The following CNTN4 variants were observed in gnomAD, a reference collection of about 807,000 sequenced individuals.
CNTN4 encodes the protein contactin 4, also known as contactin-4.
In CNTN4, 77 loss-of-function variants were observed where a neutral mutation model predicts 122.5. The ratio of observed to expected loss-of-function variants is 0.63; its 90% CI spans 0.52 to 0.76. The LOEUF (loss-of-function observed/expected upper bound fraction) is 0.76, where lower values mean the gene tolerates loss of function less well. Among genes scored for constraint, CNTN4 ranks in the 30% least tolerant of loss-of-function variants. The pLI, the probability that CNTN4 is intolerant of heterozygous loss-of-function variation, is 0.00. For missense variants in CNTN4, 1,256 were observed against 1,259.1 expected (o/e 1.00, Z 0.04); for synonymous variants, 512 against 447.0 (o/e 1.15, Z -1.83).
intron 23 of CNTN4, among the ~76,000 whole-genome samples, chr3:3,044,714 C>T (rs1471802603): frequency 1.3e-5 from 2 of 152,218 alleles, no homozygotes; most frequent in East Asian, 3.9e-4. Context: ...TCTACATTTC[C>T]AACTGAGGTA....
intron 3 of CNTN4, among the ~76,000 whole-genome samples, chr3:2,484,877 T>A (rs143668838): frequency 2.0e-5 from 3 of 152,314 alleles, no homozygotes; most frequent in African/African-American, 7.2e-5. Context: ...TGGCCGAGGC[T>A]GAGCCAGCTC....
chr3:3,023,313 G>A (rs1001767369), intron 14 of CNTN4, among the ~76,000 whole-genome samples: 5 of 152,084 alleles, frequency 3.3e-5, no homozygotes, highest in African/African-American at 1.2e-4. Context: ...ATGAATCGGC[G>A]ACAAGTGCTG....
intron 4 of CNTN4, among the ~76,000 whole-genome samples, chr3:2,641,981 TAGTC>T (rs1192949420): frequency 6.6e-6 from 1 of 152,222 alleles, no homozygotes; most frequent in Admixed American, 6.5e-5. Context: ...TCCTCCGTAT[TAGTC>T]AGGGTTCTCT....
chr3:2,592,835 A>G (rs2080564643), intron 4 of CNTN4, among the ~76,000 whole-genome samples: 1 of 152,200 alleles, frequency 6.6e-6, no homozygotes, highest in Admixed American at 6.5e-5. Context: ...TTATAATTTA[A>G]AGTTTTCACA....
chr3:2,588,220 C>T (rs941031768), intron 4 of CNTN4, among the ~76,000 whole-genome samples: 2 of 152,088 alleles, frequency 1.3e-5, no homozygotes, highest in East Asian at 1.9e-4. Context: ...GATAGTTCAC[C>T]ACAAGTATAA....
At chr3:2,842,793 C>T (rs1277879959) in intron 7 of CNTN4, among the ~76,000 whole-genome samples, 1 of 152,166 alleles carries the variant, frequency 6.6e-6, no homozygotes, top group Non-Finnish European at 1.5e-5. Context: ...GGCTTTTGGG[C>T]TATAACTCTC....
chr3:2,870,012 G>A (rs1266732655), intron 8 of CNTN4, among the ~76,000 whole-genome samples: 1 of 152,168 alleles, frequency 6.6e-6, no homozygotes, highest in Non-Finnish European at 1.5e-5. Context: ...TATCTGTTCA[G>A]TGGTATTATC....
At chr3:2,237,390 G>T (rs140443893) in intron 2 of CNTN4, among the ~76,000 whole-genome samples, 2 of 152,076 alleles carry the variant, frequency 1.3e-5, no homozygotes, top group Non-Finnish European at 2.9e-5. Flanking sequence ...CAGTAGGATC[G>T]CTTGAGGCCA....
intron 3 of CNTN4, among the ~76,000 whole-genome samples, chr3:2,488,962 A>G (rs930345768): frequency 5.3e-5 from 8 of 152,226 alleles, no homozygotes; most frequent in Admixed American, 2.6e-4. Flanking sequence ...AAATAATACA[A>G]TAGAGTCCAA....
chr3:2,140,889 C>A (rs1361409235), intron 2 of CNTN4, among the ~76,000 whole-genome samples: 1 of 152,150 alleles, frequency 6.6e-6, no homozygotes, highest in Non-Finnish European at 1.5e-5. Flanking sequence ...TTGACTGTTT[C>A]ATTGTGTCGG....
At chr3:2,203,376 A>C (rs1027440535) in intron 2 of CNTN4, among the ~76,000 whole-genome samples, 1 of 152,158 alleles carries the variant, frequency 6.6e-6, no homozygotes, top group Non-Finnish European at 1.5e-5. Flanking sequence ...ATGGGGTGCT[A>C]CTATGATGTT....
intron 2 of CNTN4, among the ~76,000 whole-genome samples, chr3:2,223,048 C>T (rs1006901318): frequency 4.6e-5 from 7 of 152,150 alleles, no homozygotes; most frequent in Non-Finnish European, 7.4e-5. Flanking sequence ...TCTTTGGATG[C>T]GAATTTTGGC....
rs114848184 is a variant in CNTN4 at position 2,694,742 on chromosome 3, A to G, written c.56-41473A>G. Among the ~76,000 whole-genome samples the G allele has an allele frequency of 6.3e-3, 962 of 152,316 alleles. 6 individuals carry two copies. The highest frequency in any genetic ancestry group is 0.011 in the Non-Finnish European group (751 of 68,022). On this transcript the variant is annotated intron_variant, in intron 4 of 24. Transcript: ENST00000418658. The stretch of plus-strand genomic sequence containing the variant: ...AGACCCTGTCTCAAAAAAAGAAAGA[A>G]AGAAAGAAATTGAACAACATTAAAT...
At chr3:2,802,013 C>G (rs1277098916) in intron 6 of CNTN4, among the ~76,000 whole-genome samples, 1 of 152,200 alleles carries the variant, frequency 6.6e-6, no homozygotes, top group East Asian at 1.9e-4. Flanking sequence ...CATTATTGGT[C>G]TAGTTGCTGC....
chr3:2,436,608 T>G (rs1026086751), intron 3 of CNTN4, among the ~76,000 whole-genome samples: 29 of 151,976 alleles, frequency 1.9e-4, no homozygotes, highest in African/African-American at 5.8e-4. Context: ...AGGAATCCTT[T>G]GTGATTTTAA....
At chr3:2,218,927 T>C (rs954041881) in intron 2 of CNTN4, among the ~76,000 whole-genome samples, 1 of 152,212 alleles carries the variant, frequency 6.6e-6, no homozygotes, top group South Asian at 2.1e-4. Flanking sequence ...AGCTGTGCTA[T>C]GGCATGTGAG....
intron 2 of CNTN4, among the ~76,000 whole-genome samples, chr3:2,245,052 A>T (rs1190344701): frequency 6.6e-6 from 1 of 152,014 alleles, no homozygotes. Context: ...TCCATAATAG[A>T]TACAATGGAT....
At chr3:2,542,713 T>C (rs1379308896) in intron 3 of CNTN4, among the ~76,000 whole-genome samples, 5 of 152,124 alleles carry the variant, frequency 3.3e-5, no homozygotes, top group African/African-American at 4.8e-5. Flanking sequence ...GTACTTTCTC[T>C]TCTTTCGTAA....
At chr3:2,646,239 TAAAC>T (rs2083113236) in intron 4 of CNTN4, among the ~76,000 whole-genome samples, 1 of 152,140 alleles carries the variant, frequency 6.6e-6, no homozygotes, top group East Asian at 1.9e-4. Context: ...TGGTCTGTAA[TAAAC>T]ATATATAAAC....
Sources: gnomAD v4.1 joint callset for allele counts (sites outside exome capture counted in the v4.1 genomes callset) on GRCh38, gnomAD v4.1.1 for gene constraint, MANE v1.5 for transcripts, NCBI Gene and HGNC (gene_info 2026-07-23, HGNC 2026-07-21) for gene names.